Variants in SLC44A5 observed in about 807,000 individuals in gnomAD.
SLC44A5 encodes solute carrier family 44 member 5.
A neutral mutation model predicts 101.8 loss-of-function variants in SLC44A5; 57 were observed. The observed-to-expected ratio is 0.56, with a 90% confidence interval of 0.45 to 0.70. The LOEUF (loss-of-function observed/expected upper bound fraction) is 0.70, where lower values mean the gene tolerates loss of function less well. Ranked by LOEUF, SLC44A5 falls within the 30% of genes least tolerant of loss-of-function variation. The pLI is 0.00. For missense variants in SLC44A5, 737 were observed against 853.1 expected (o/e 0.86, Z 1.70); for synonymous variants, 281 against 290.9 (o/e 0.97, Z 0.35).
At chr1:75,555,175 G>A (rs1286805610) in intron 1 of SLC44A5, among the ~76,000 whole-genome samples, 1 of 152,032 alleles carries the variant, frequency 6.6e-6, no homozygotes, top group African/African-American at 2.4e-5. Context: ...ACACAAACAA[G>A]TACATACTAA....
At chr1:75,421,676 C>T (rs1664012547) in intron 2 of SLC44A5, among the ~76,000 whole-genome samples, 1 of 152,102 alleles carries the variant, frequency 6.6e-6, no homozygotes, top group African/African-American at 2.4e-5. Context: ...GAGCTAATTG[C>T]TGGCTGTTCG....
At chr1:75,257,563 G>C (rs1650116013) in intron 6 of SLC44A5, among the ~76,000 whole-genome samples, 1 of 152,100 alleles carries the variant, frequency 6.6e-6, no homozygotes, top group Non-Finnish European at 1.5e-5. Flanking sequence ...AAGGGTGAGA[G>C]ACCCCTAGTG....
At chr1:75,520,952 GT>G (rs71871232) in intron 2 of SLC44A5, among the ~76,000 whole-genome samples, 19,474 of 151,864 alleles carry the variant, frequency 0.13, 1,351 homozygotes, top group Non-Finnish European at 0.15. Context: ...AAGGTCAAGG[GT>G]TTTTTTTAAA....
chr1:75,387,452 A>G (rs1478836010), intron 3 of SLC44A5, among the ~76,000 whole-genome samples: 3 of 97,230 alleles, frequency 3.1e-5, no homozygotes, highest in African/African-American at 1.3e-4. Flanking sequence ...CAAAAAACAC[A>G]TGAAAAAATG....
At chr1:75,449,818 T>C (rs1274258763) in intron 2 of SLC44A5, among the ~76,000 whole-genome samples, 2 of 152,046 alleles carry the variant, frequency 1.3e-5, no homozygotes, top group Non-Finnish European at 2.9e-5. Flanking sequence ...CTGGCCAACA[T>C]GGTGAAACTT....
chr1:75,359,128 C>T (rs920749594), intron 3 of SLC44A5, among the ~76,000 whole-genome samples: 1 of 150,844 alleles, frequency 6.6e-6, no homozygotes, highest in African/African-American at 2.4e-5. Context: ...ACTTATAATG[C>T]CCTCCAGGCG....
chr1:75,360,939 A>G (rs1447500879), intron 3 of SLC44A5, among the ~76,000 whole-genome samples: 1 of 152,324 alleles, frequency 6.6e-6, no homozygotes, highest in Admixed American at 6.5e-5. Context: ...CCATTCCATG[A>G]ACACAAGATA....
intron 5 of SLC44A5, among the ~76,000 whole-genome samples, chr1:75,280,968 G>A (rs1296390652): frequency 2.0e-5 from 3 of 152,090 alleles, no homozygotes; most frequent in Non-Finnish European, 4.4e-5. Context: ...CAGGAATGGG[G>A]TGCTGCTATA....
intron 1 of SLC44A5, among the ~76,000 whole-genome samples, chr1:75,551,231 G>A (rs887529277): frequency 6.6e-6 from 1 of 152,066 alleles, no homozygotes; most frequent in Non-Finnish European, 1.5e-5. Flanking sequence ...TTTTACTGCA[G>A]CTAATGAGTC....
At chr1:75,230,685 C>T (rs1055775476) in intron 12 of SLC44A5, among the ~76,000 whole-genome samples, 6 of 152,022 alleles carry the variant, frequency 3.9e-5, no homozygotes, top group Admixed American at 2.0e-4. Flanking sequence ...GGCATGATCT[C>T]GGTTCACTGC....
intron 3 of SLC44A5, among the ~76,000 whole-genome samples, chr1:75,347,044 A>T (rs1379987759): frequency 6.6e-6 from 1 of 152,194 alleles, no homozygotes; most frequent in African/African-American, 2.4e-5. Flanking sequence ...TTTCATCATT[A>T]AATAAATATA....
At chr1:75,225,152 C>T (rs560449080) in intron 13 of SLC44A5, among the ~76,000 whole-genome samples, 1 of 152,222 alleles carries the variant, frequency 6.6e-6, no homozygotes, top group African/African-American at 2.4e-5. Flanking sequence ...TTTAAAAAAT[C>T]TTTTATGCCA....
At chr1:75,530,458 G>A (rs759925054) in intron 2 of SLC44A5, among the ~76,000 whole-genome samples, 1 of 152,126 alleles carries the variant, frequency 6.6e-6, no homozygotes, top group Non-Finnish European at 1.5e-5. Context: ...GGGTTCAAAT[G>A]GGCCACAGAT....
intron 2 of SLC44A5, among the ~76,000 whole-genome samples, chr1:75,519,886 A>G (rs1444947071): frequency 1.3e-5 from 2 of 152,242 alleles, no homozygotes; most frequent in African/African-American, 4.8e-5. Flanking sequence ...TCCTTGGCCA[A>G]TGGCCATTTC....
At chr1:75,596,056 C>T (rs531382684) in intron 1 of SLC44A5, among the ~76,000 whole-genome samples, 1 of 152,214 alleles carries the variant, frequency 6.6e-6, no homozygotes, top group East Asian at 1.9e-4. Context: ...ATCAAATCTT[C>T]TAATAACCAA....
the SLC44A5 span, among the ~76,000 whole-genome samples, chr1:75,708,321 G>A: frequency 6.8e-6 from 1 of 146,650 alleles, no homozygotes; most frequent in African/African-American, 2.6e-5. Flanking sequence ...GGCTGAGACA[G>A]GAGAATCGCT....
intron 14 of SLC44A5, among the ~76,000 whole-genome samples, chr1:75,220,409 A>G (rs766661623): frequency 6.6e-6 from 1 of 152,064 alleles, no homozygotes; most frequent in Non-Finnish European, 1.5e-5. Context: ...TGCAACCTAT[A>G]TCCTCTAACT....
intron 3 of SLC44A5, among the ~76,000 whole-genome samples, chr1:75,363,565 T>G (rs1659651447): frequency 6.6e-6 from 1 of 152,102 alleles, no homozygotes; most frequent in Admixed American, 6.6e-5. Flanking sequence ...ATATTTATAC[T>G]CACCTCCTTA....
intron 6 of SLC44A5, among the ~76,000 whole-genome samples, chr1:75,268,338 A>G (rs1035696338): frequency 6.6e-6 from 1 of 152,156 alleles, no homozygotes; most frequent in African/African-American, 2.4e-5. Flanking sequence ...CCCCGTAACC[A>G]CAAGGTAACT....
Sources: gnomAD v4.1 joint callset for allele counts (sites outside exome capture counted in the v4.1 genomes callset) on GRCh38, gnomAD v4.1.1 for gene constraint, MANE v1.5 for transcripts, NCBI Gene and HGNC (gene_info 2026-07-23, HGNC 2026-07-21) for gene names.